The following DCDC1 variants were observed in gnomAD, a reference collection of about 807,000 sequenced individuals.
DCDC1 encodes the protein doublecortin domain containing 1.
Under a neutral mutation model 178.3 loss-of-function variants are expected in DCDC1, and 200 were observed. That is an observed-to-expected ratio of 1.12 (90% CI 1.00 to 1.26). The LOEUF (loss-of-function observed/expected upper bound fraction) is 1.26, where lower values mean the gene tolerates loss of function less well. Among genes scored for constraint, DCDC1 ranks in the 50% most tolerant of loss-of-function variants. The pLI is 0.00. For missense variants in DCDC1, 1,983 were observed against 1,749.2 expected (o/e 1.13, Z -2.38); for synonymous variants, 690 against 604.8 (o/e 1.14, Z -2.07).
intron 7 of DCDC1, among the ~76,000 whole-genome samples, chr11:31,288,410 A>G (rs1296308090): frequency 6.6e-6 from 1 of 151,956 alleles, no homozygotes; most frequent in African/African-American, 2.4e-5. Context: ...TTAGTAAAGG[A>G]ATATATCATT....
intron 20 of DCDC1, among the ~76,000 whole-genome samples, chr11:31,045,553 GCTACGTTGTAA>G (rs1235435651): frequency 1.3e-5 from 2 of 152,062 alleles, no homozygotes; most frequent in African/African-American, 4.8e-5. Flanking sequence ...TCGTTTTGTA[GCTACGTTGTAA>G]CTTGCTTTTT....
chr11:31,011,688 T>C (rs944464943), intron 20 of DCDC1, among the ~76,000 whole-genome samples: 5 of 152,234 alleles, frequency 3.3e-5, no homozygotes, highest in Admixed American at 1.3e-4. Context: ...TGAAAGTATG[T>C]GTGCGCTTTA....
chr11:31,156,788 A>G (rs1013884758), intron 9 of DCDC1, among the ~76,000 whole-genome samples: 1 of 152,220 alleles, frequency 6.6e-6, no homozygotes, highest in African/African-American at 2.4e-5. Flanking sequence ...TTTAAAGATG[A>G]TAACTGCCAC....
chr11:30,871,873 CATATGTATACAT>C (rs1369398817), intron 38 of DCDC1, among the ~76,000 whole-genome samples: 1 of 148,316 alleles, frequency 6.7e-6, no homozygotes, highest in African/African-American at 2.5e-5. Flanking sequence ...CACACATATA[CATATGTATACAT>C]ATATATACAC....
At chr11:30,906,933 G>T (rs972157362) in intron 29 of DCDC1, among the ~76,000 whole-genome samples, 1 of 151,832 alleles carries the variant, frequency 6.6e-6, no homozygotes, top group East Asian at 1.9e-4. Flanking sequence ...ACGACAATTC[G>T]ACACCAATGA....
At chr11:30,914,524 C>A (rs1480849847) in intron 27 of DCDC1, among the ~76,000 whole-genome samples, 2 of 151,920 alleles carry the variant, frequency 1.3e-5, no homozygotes, top group Admixed American at 6.6e-5. Context: ...AAAGAGGTCC[C>A]TGGAGGCCCA....
At chr11:31,307,562 T>G in intron 4 of DCDC1, 77 bp downstream of exon 4, 1 of 1,539,742 alleles carries the variant, frequency 6.5e-7, no homozygotes, top group South Asian at 1.3e-5. Context: ...AGATAGTCAA[T>G]TGAAACATTA....
At chr11:31,281,041 C>T in intron 7 of DCDC1, 1 of 502,264 alleles carries the variant, frequency 2.0e-6, no homozygotes, top group South Asian at 1.7e-5. Flanking sequence ...GCTAGACGTC[C>T]CATTCTCCTT....
chr11:30,939,928 T>C (rs1001833673), intron 21 of DCDC1, among the ~76,000 whole-genome samples: 1 of 152,228 alleles, frequency 6.6e-6, no homozygotes, highest in Non-Finnish European at 1.5e-5. Context: ...GACTACTGAT[T>C]CTATTTTTTC....
chr11:30,913,806 A>G (rs1945629297), intron 27 of DCDC1, among the ~76,000 whole-genome samples: 1 of 152,202 alleles, frequency 6.6e-6, no homozygotes, highest in Non-Finnish European at 1.5e-5. Flanking sequence ...CCAATGACCA[A>G]GTATTCCTGG....
At chr11:30,989,975 C>T (rs955939878) in intron 20 of DCDC1, among the ~76,000 whole-genome samples, 2 of 152,006 alleles carry the variant, frequency 1.3e-5, no homozygotes, top group Admixed American at 6.6e-5. Flanking sequence ...TGTGTGCATA[C>T]GTGAGCCCAA....
intron 1 of DCDC1, among the ~76,000 whole-genome samples, chr11:31,368,267 C>T (rs1488977145): frequency 2.0e-5 from 3 of 152,040 alleles, no homozygotes; most frequent in Non-Finnish European, 4.4e-5. Flanking sequence ...AACACAATAA[C>T]CTAATAAATA....
intron 8 of DCDC1, among the ~76,000 whole-genome samples, chr11:31,242,997 T>C (rs2136910887): frequency 6.6e-6 from 1 of 152,022 alleles, no homozygotes; most frequent in South Asian, 2.1e-4. Context: ...TCTTCTTAGA[T>C]GTGTGCATAA....
At chr11:31,357,387 A>G (rs1326836081) in intron 1 of DCDC1, among the ~76,000 whole-genome samples, 1 of 141,284 alleles carries the variant, frequency 7.1e-6, no homozygotes, top group South Asian at 2.3e-4. Flanking sequence ...AAATTCAACT[A>G]CGCTTCATGC....
chr11:31,307,537 A>G, intron 4 of DCDC1, 102 bp downstream of exon 4: 1 of 1,449,900 alleles, frequency 6.9e-7, no homozygotes, highest in African/African-American at 1.4e-5. Context: ...GAGATGTGTT[A>G]CATTTTAATG....
At chr11:31,164,281 A>C (rs1185734514) in intron 9 of DCDC1, among the ~76,000 whole-genome samples, 2 of 152,212 alleles carry the variant, frequency 1.3e-5, no homozygotes, top group African/African-American at 4.8e-5. Context: ...ACACTGTAGC[A>C]AATCTATGAT....
Position 30,920,928 on chromosome 11 carries a change from A to G in DCDC1, c.3141T>C (p.Val1047=). Reference sequence around the variant, plus strand: ...ATACAATGTCACTTTGGACTTCTAAAACAAGAGCTGAGCAGAAATTCACAA... The same window carrying G: ...ATACAATGTCACTTTGGACTTCTAAGACAAGAGCTGAGCAGAAATTCACAA... ...FCSTHKIEAL[V]LEVQSDIVSG... is the part of the protein sequence containing the mutation. Residue 1047 remains valine, a synonymous_variant, in exon 25 of 39, where the codon GTT becomes GTC. Transcript: ENST00000684477. 6.2e-7 allele frequency: 1 copy of G among 1,610,208 alleles called. No individual in the cohort carries two copies. Among genetic ancestry groups the G allele is most frequent in the Non-Finnish European group, 8.5e-7 (1 of 1,178,020 alleles).
intron 7 of DCDC1, among the ~76,000 whole-genome samples, chr11:31,283,833 A>G (rs1946624441): frequency 6.6e-6 from 1 of 152,144 alleles, no homozygotes; most frequent in Admixed American, 6.6e-5. Context: ...TTTGAGAACT[A>G]TTCTACAAAT....
At chr11:30,918,535 C>T (rs1191821446) in intron 25 of DCDC1, among the ~76,000 whole-genome samples, 2 of 152,032 alleles carry the variant, frequency 1.3e-5, no homozygotes, top group Admixed American at 6.6e-5. Flanking sequence ...GTAAGGTTTA[C>T]GTTAGCAATG....
Sources: allele counts gnomAD v4.1 joint callset (sites outside exome capture counted in the v4.1 genomes callset), GRCh38; gene constraint gnomAD v4.1.1; transcripts MANE v1.5; gene names NCBI Gene and HGNC (gene_info 2026-07-23, HGNC 2026-07-21).